Variants in KCNN2 observed in about 807,000 individuals in gnomAD.
The protein encoded by KCNN2 is potassium calcium-activated channel subfamily N member 2, also known as small conductance calcium-activated potassium channel protein 2.
Under a neutral mutation model 55.5 loss-of-function variants are expected in KCNN2, and 24 were observed. The ratio of observed to expected loss-of-function variants is 0.43; its 90% CI spans 0.31 to 0.61. The LOEUF (loss-of-function observed/expected upper bound fraction) is 0.61, where lower values mean the gene tolerates loss of function less well. Ranked by LOEUF, KCNN2 falls within the 20% of genes least tolerant of loss-of-function variation. KCNN2 has a pLI of 0.08. For missense variants in KCNN2, 754 were observed against 853.6 expected, an observed-to-expected ratio of 0.88 and a Z score of 1.45; for synonymous variants, 431 against 336.1, an observed-to-expected ratio of 1.28 and a Z score of -3.09.
chr5:114,479,510 G>T (rs1485210126), intron 5 of KCNN2, among the ~76,000 whole-genome samples: 1 of 152,108 alleles, frequency 6.6e-6, no homozygotes, highest in African/African-American at 2.4e-5. Context: ...ACAGAAAATT[G>T]TAACAGAGAT....
chr5:114,443,993 A>C (rs1049603314), intron 3 of KCNN2, among the ~76,000 whole-genome samples: 1 of 152,220 alleles, frequency 6.6e-6, no homozygotes, highest in Non-Finnish European at 1.5e-5. Context: ...TGTTTTAGAA[A>C]GATAACTCAC....
intron 2 of KCNN2, among the ~76,000 whole-genome samples, chr5:114,303,337 G>C (rs988838399): frequency 2.0e-5 from 3 of 152,290 alleles, no homozygotes; most frequent in Admixed American, 2.0e-4. Context: ...TAAAGGTGTT[G>C]CCCAAGATCT....
At chr5:114,175,661 A>T (rs1399918800) in intron 1 of KCNN2, among the ~76,000 whole-genome samples, 1 of 152,218 alleles carries the variant, frequency 6.6e-6, no homozygotes, top group Non-Finnish European at 1.5e-5. Flanking sequence ...ACTCAAGGAC[A>T]CATTTTACAG....
chr5:114,219,042 C>A (rs4624786), intron 1 of KCNN2, among the ~76,000 whole-genome samples: 4,532 of 152,280 alleles, frequency 0.03, 226 homozygotes, highest in African/African-American at 0.1. Flanking sequence ...CACTCAACTC[C>A]TTGTGGGAGG....
intron 1 of KCNN2, among the ~76,000 whole-genome samples, chr5:114,058,461 A>G (rs900272406): frequency 2.0e-5 from 3 of 152,208 alleles, no homozygotes; most frequent in African/African-American, 7.2e-5. Flanking sequence ...TTGTTACGTT[A>G]TTAAAAATAA....
At chr5:114,232,352 A>G (rs1042619003) in intron 2 of KCNN2, among the ~76,000 whole-genome samples, 2 of 151,258 alleles carry the variant, frequency 1.3e-5, no homozygotes, top group Non-Finnish European at 2.9e-5. Context: ...TCCATCTTAA[A>G]TCATATAGTA....
chr5:114,323,723 C>T (rs1756659473), intron 2 of KCNN2, among the ~76,000 whole-genome samples: 1 of 142,072 alleles, frequency 7.0e-6, no homozygotes, highest in African/African-American at 2.6e-5. Flanking sequence ...GGCCTGATCT[C>T]AGCTCACTGC....
In KCNN2 at chr5:114,420,409, T is replaced by C. The variant is rs554690274; in HGVS notation, c.1637+15553T>C. Among the ~76,000 whole-genome samples the C allele has an allele frequency of 3.4e-4, 52 of 152,362 alleles. No individual in the cohort carries two copies. The South Asian group carries it at 0.011, about 31-fold the overall frequency. On this transcript the variant is annotated intron_variant, in intron 3 of 7. Transcript: ENST00000673685. ...GGAGTACTGTAATGAAATACTGTGA[T>C]TGTCTTTGTCCCCTGGTCTCTGCTT...
chr5:114,112,851 G>C (rs547489547), intron 1 of KCNN2, among the ~76,000 whole-genome samples: 3 of 152,020 alleles, frequency 2.0e-5, no homozygotes, highest in African/African-American at 7.2e-5. Context: ...AATGTGTTAT[G>C]TTTCTACATG....
chr5:114,161,272 G>A (rs535467295), intron 1 of KCNN2, among the ~76,000 whole-genome samples: 383 of 152,062 alleles, frequency 2.5e-3, no homozygotes, highest in African/African-American at 8.8e-3. Flanking sequence ...GCTTAGTTTG[G>A]CTGGATATGA....
chr5:114,481,175 A>G (rs1762207180), intron 5 of KCNN2, among the ~76,000 whole-genome samples: 1 of 152,218 alleles, frequency 6.6e-6, no homozygotes, highest in Non-Finnish European at 1.5e-5. Flanking sequence ...ATCAGTGTGC[A>G]AAAATTGCTA....
intron 1 of KCNN2, among the ~76,000 whole-genome samples, chr5:114,094,279 A>G (rs1295525753): frequency 6.6e-6 from 1 of 152,088 alleles, no homozygotes; most frequent in Non-Finnish European, 1.5e-5. Flanking sequence ...TCAGGTCTTC[A>G]GCACAGAATA....
At chr5:114,383,266 C>T (rs1364985682) in intron 2 of KCNN2, among the ~76,000 whole-genome samples, 2 of 152,102 alleles carry the variant, frequency 1.3e-5, no homozygotes, top group East Asian at 3.9e-4. Context: ...AGACCCTGTA[C>T]TTTCTTATTG....
At chr5:114,390,546 C>T (rs993155778) in intron 2 of KCNN2, among the ~76,000 whole-genome samples, 1 of 152,122 alleles carries the variant, frequency 6.6e-6, no homozygotes, top group African/African-American at 2.4e-5. Context: ...CATTTGTTGA[C>T]ACTATCCTTG....
At chr5:114,306,787 G>A (rs1303118147) in intron 2 of KCNN2, among the ~76,000 whole-genome samples, 1 of 144,878 alleles carries the variant, frequency 6.9e-6, no homozygotes, top group South Asian at 2.2e-4. Context: ...TGCAACTTCC[G>A]CCTCCCAGAT....
chr5:114,344,560 G>A (rs2150037810), intron 2 of KCNN2, among the ~76,000 whole-genome samples: 1 of 152,316 alleles, frequency 6.6e-6, no homozygotes, highest in Middle Eastern at 3.4e-3. Context: ...TATTTTCCAT[G>A]TGACTGAACT....
At chr5:114,384,819 G>T (rs536489964) in intron 2 of KCNN2, among the ~76,000 whole-genome samples, 1 of 152,266 alleles carries the variant, frequency 6.6e-6, no homozygotes, top group African/African-American at 2.4e-5. Flanking sequence ...CATCCAGTCT[G>T]CCATGACTGG....
intron 1 of KCNN2, among the ~76,000 whole-genome samples, chr5:114,154,367 T>C (rs969049669): frequency 6.6e-6 from 1 of 152,108 alleles, no homozygotes; most frequent in Non-Finnish European, 1.5e-5. Context: ...GATAATTTTA[T>C]TATTGAAGCT....
chr5:114,105,003 C>T (rs1751453040), intron 1 of KCNN2, among the ~76,000 whole-genome samples: 1 of 152,058 alleles, frequency 6.6e-6, no homozygotes, highest in Non-Finnish European at 1.5e-5. Context: ...CCTATTCTGT[C>T]TTCTCTTCTG....
Sources: allele counts gnomAD v4.1 joint callset (sites outside exome capture counted in the v4.1 genomes callset), GRCh38; gene constraint gnomAD v4.1.1; transcripts MANE v1.5; gene names NCBI Gene and HGNC (gene_info 2026-07-23, HGNC 2026-07-21).